RTF1: variants seen among roughly 807,000 people sequenced by gnomAD.
The protein encoded by RTF1 is RNA polymerase-associated protein RTF1 homolog.
In RTF1, 10 loss-of-function variants were observed where a neutral mutation model predicts 95.7. That is an observed-to-expected ratio of 0.10 (90% CI 0.06 to 0.18). The LOEUF (loss-of-function observed/expected upper bound fraction) is 0.18. RTF1 is among the 10% of genes least tolerant of loss of function. The pLI is 1.00. For synonymous variants in RTF1, 305 were observed against 311.8 expected (o/e 0.98, Z 0.23); for missense variants, 458 against 875.6 (o/e 0.52, Z 6.02).
Position 41,457,136 on chromosome 15 carries a change from G to A in RTF1, c.458-536G>A, listed in dbSNP as rs114699232. Among the ~76,000 whole-genome samples the A allele has an allele frequency of 7.6e-3, 1,146 of 151,498 alleles. 19 individuals carry two copies. The highest frequency in any genetic ancestry group is 0.026 in the African/African-American group (1,078 of 41,290). On this transcript the variant is annotated intron_variant, in intron 3 of 17. Transcript: ENST00000389629. ...GCCAGGTGTGGTGGCTTACACAGGCGTAAGCCTGTAATCCCAGCACTTTGG... is the reference window on the plus strand; with the variant it reads ...GCCAGGTGTGGTGGCTTACACAGGCATAAGCCTGTAATCCCAGCACTTTGG...
intron 7 of RTF1, among the ~76,000 whole-genome samples, 158 bp downstream of exon 7, chr15:41,470,550 T>C (rs1389240545): frequency 1.3e-5 from 2 of 152,176 alleles, no homozygotes; most frequent in Non-Finnish European, 2.9e-5. Context: ...GCCCATTCAT[T>C]TGGCTGCTAG....
rs573980538 is a variant in RTF1, at chr15:41,425,458, A to C, written c.198+8145A>C. On this transcript the variant is annotated intron_variant, in intron 1 of 17. Transcript: ENST00000389629. ...GGAGTTTATTCTGAGAGTAATAGGAAGCCATTGAAGGATTTTAAGTTGGAG... is the reference window on the plus strand; with the variant it reads ...GGAGTTTATTCTGAGAGTAATAGGACGCCATTGAAGGATTTTAAGTTGGAG... 3.9e-5 allele frequency among the ~76,000 whole-genome samples: 6 copies of C among 152,218 alleles called. No homozygotes were observed. The South Asian group carries it at 1.2e-3, about 32-fold the overall frequency.
intron 2 of RTF1, among the ~76,000 whole-genome samples, chr15:41,445,863 G>A (rs1406534148): frequency 6.6e-6 from 1 of 151,438 alleles, no homozygotes; most frequent in African/African-American, 2.4e-5. Flanking sequence ...AGTCTTCCAA[G>A]TAGCTGGGAT....
rs781371882 is a variant in RTF1, at chr15:41,475,832, G to T, written c.1482+13G>T. 5.2e-5 allele frequency: 72 copies of T among 1,391,930 alleles called. No homozygotes were observed. The highest frequency in any genetic ancestry group is 1.0e-5 in the Non-Finnish European group (10 of 995,834). The allele number at this position is 1,391,930 out of a possible 1,614,324, so 86.2% of individuals were successfully genotyped here. ...GGACATTGAAGAGGTAAGAAAACTG[G>T]TGCCCCAGAACCCGGAGGTTCATCA... On this transcript the variant is annotated intron_variant, in intron 11 of 17. Transcript: ENST00000389629.
At chr15:41,443,810 G>A (rs780968532) in intron 2 of RTF1, among the ~76,000 whole-genome samples, 2 of 152,058 alleles carry the variant, frequency 1.3e-5, no homozygotes, top group Non-Finnish European at 2.9e-5. Flanking sequence ...GCTCACGCCT[G>A]TAATCTCAGC....
Position 41,469,931 on chromosome 15 carries a change from A to G in RTF1, c.890-326A>G, listed in dbSNP as rs77944245. Among the ~76,000 whole-genome samples, 1,154 of 152,252 alleles carry G rather than the reference A, an allele frequency of 7.6e-3. 19 individuals are homozygous for G. Among genetic ancestry groups the G allele is most frequent in the African/African-American group, 0.026 (1,090 of 41,546 alleles). ...TTCCTCAGAAGCTTCTGAAGTCATCATGAGTCTTTCCCCCTCTTTCCTCCC... is the reference window on the plus strand; with the variant it reads ...TTCCTCAGAAGCTTCTGAAGTCATCGTGAGTCTTTCCCCCTCTTTCCTCCC... On this transcript the variant is annotated intron_variant, in intron 6 of 17. Coordinates refer to ENST00000389629, the MANE Select transcript of RTF1 (RefSeq NM_015138.5).
intron 3 of RTF1, among the ~76,000 whole-genome samples, chr15:41,456,444 G>T (rs890454437): frequency 1.3e-5 from 2 of 150,342 alleles, no homozygotes; most frequent in Admixed American, 6.7e-5. Flanking sequence ...AGTCGAGATC[G>T]TGCCACTGCA....
At chr15:41,436,787 C>T (rs1179201406) in intron 1 of RTF1, among the ~76,000 whole-genome samples, 2 of 151,920 alleles carry the variant, frequency 1.3e-5, no homozygotes, top group African/African-American at 4.8e-5. Context: ...GAGTGAGTCT[C>T]TGTCTCAAAA....
chr15:41,436,287 TAA>T (rs746306495), intron 1 of RTF1, among the ~76,000 whole-genome samples: 18 of 95,190 alleles, frequency 1.9e-4, no homozygotes, highest in East Asian at 1.2e-3. Flanking sequence ...CCGTCTCTAC[TAA>T]AAAAAAAAAA....
In RTF1 at chr15:41,446,947, C is replaced by T. The variant is rs577448177; in HGVS notation, c.310-5954C>T. Among the ~76,000 whole-genome samples, 11 of 152,060 alleles carry T rather than the reference C, an allele frequency of 7.2e-5. 1 individual carries two copies. Among genetic ancestry groups the T allele is most frequent in the Admixed American group, 4.6e-4 (7 of 15,256 alleles). The stretch of plus-strand genomic sequence containing the variant: ...CCTCCTGAGTAACTGGGATTATAGG[C>T]GCCCACCACCAGGCCTGGCTAATTT... On this transcript the variant is annotated intron_variant, in intron 2 of 17. Transcript: ENST00000389629.
At chr15:41,451,592 G>A (rs1208499328) in intron 2 of RTF1, among the ~76,000 whole-genome samples, 1 of 152,168 alleles carries the variant, frequency 6.6e-6, no homozygotes, top group African/African-American at 2.4e-5. Flanking sequence ...ATATGCCAAT[G>A]TTTTAAAAAG....
At chr15:41,445,475 T>C (rs1393133062) in intron 2 of RTF1, among the ~76,000 whole-genome samples, 1 of 152,238 alleles carries the variant, frequency 6.6e-6, no homozygotes, top group Non-Finnish European at 1.5e-5. Context: ...GTTTGTGCTT[T>C]TGTCTTCATA....
chr15:41,469,524 G>A (rs747121247), intron 6 of RTF1, among the ~76,000 whole-genome samples: 27 of 146,926 alleles, frequency 1.8e-4, no homozygotes, highest in South Asian at 2.2e-4. Context: ...GCCTGGCCAC[G>A]TTCCTTTTTT....
rs547392438 is a variant in RTF1, at chr15:41,476,567, A to C, written c.1560+44A>C. 5.6e-5 allele frequency: 87 copies of C among 1,546,176 alleles called. 3 individuals are homozygous for C. The South Asian group carries it at 9.1e-4, about 16-fold the overall frequency. On this transcript the variant is annotated intron_variant, in intron 12 of 17. Coordinates refer to ENST00000389629, the MANE Select transcript of RTF1 (RefSeq NM_015138.5). The stretch of plus-strand genomic sequence containing the variant: ...GCCTCTTTCCTCATCCTGTAAGGAG[A>C]TGTGGAAATCAAACTTGTTCATCCT...
chr15:41,456,062 C>T (rs903163342), intron 3 of RTF1, among the ~76,000 whole-genome samples: 4 of 151,652 alleles, frequency 2.6e-5, no homozygotes, highest in South Asian at 4.2e-4. Context: ...AAAAATTAGC[C>T]GGGCGTGGTG....
rs182102850 is a variant in RTF1 at position 41,427,708 on chromosome 15, C to T, written c.198+10395C>T. ...ATAATAACAGTAATAATAATTATGCCGATGCTCGCCTGACAGAGTAGGCAC... is the reference window on the plus strand; with the variant it reads ...ATAATAACAGTAATAATAATTATGCTGATGCTCGCCTGACAGAGTAGGCAC... On this transcript the variant is annotated intron_variant, in intron 1 of 17. Coordinates refer to ENST00000389629, the MANE Select transcript of RTF1 (RefSeq NM_015138.5). Among the ~76,000 whole-genome samples, 7 of 152,088 alleles carry T rather than the reference C, an allele frequency of 4.6e-5. No individual in the cohort carries two copies. The South Asian group carries it at 1.0e-3, about 23-fold the overall frequency.
chr15:41,434,088 G>A (rs1236203800), intron 1 of RTF1, among the ~76,000 whole-genome samples: 9 of 150,214 alleles, frequency 6.0e-5, no homozygotes, highest in Admixed American at 4.0e-4. Flanking sequence ...CAGGTGATCC[G>A]CCACCTTGGC....
At chr15:41,427,639 A>G (rs1169908452) in intron 1 of RTF1, among the ~76,000 whole-genome samples, 1 of 152,066 alleles carries the variant, frequency 6.6e-6, no homozygotes, top group African/African-American at 2.4e-5. Context: ...ATGATCACAC[A>G]ACTGCACTCC....
At chr15:41,447,878 C>T (rs2050771388) in intron 2 of RTF1, among the ~76,000 whole-genome samples, 1 of 152,160 alleles carries the variant, frequency 6.6e-6, no homozygotes, top group Admixed American at 6.6e-5. Flanking sequence ...CTTCTCAAAA[C>T]AGATTAAGAA....
Sources: allele counts gnomAD v4.1 joint callset (sites outside exome capture counted in the v4.1 genomes callset), GRCh38; gene constraint gnomAD v4.1.1; transcripts MANE v1.5; gene names NCBI Gene and HGNC (gene_info 2026-07-23, HGNC 2026-07-21).